The following GUCY1A2 variants were observed in gnomAD, a reference collection of about 807,000 sequenced individuals.
GUCY1A2 encodes guanylate cyclase 1 soluble subunit alpha 2, also known as guanylate cyclase soluble subunit alpha-2.
Under a neutral mutation model 63.5 loss-of-function variants are expected in GUCY1A2, and 27 were observed. That is an observed-to-expected ratio of 0.43 (90% confidence interval 0.31 to 0.59). GUCY1A2 has a LOEUF of 0.59. GUCY1A2 is among the 20% of genes least tolerant of loss of function. The pLI is 0.11. For synonymous variants in GUCY1A2, 364 were observed against 343.5 expected (o/e 1.06, Z -0.66); for missense variants, 768 against 913.3 (o/e 0.84, Z 2.05).
At chr11:107,000,130 A>G (rs1861593591) in intron 1 of GUCY1A2, among the ~76,000 whole-genome samples, 1 of 152,210 alleles carries the variant, frequency 6.6e-6, no homozygotes, top group Admixed American at 6.5e-5. Context: ...TTGCAGGTAT[A>G]CTTTTGGAGA....
chr11:106,883,748 G>C (rs561976085), intron 4 of GUCY1A2, among the ~76,000 whole-genome samples: 21 of 152,186 alleles, frequency 1.4e-4, no homozygotes, highest in African/African-American at 5.1e-4. Context: ...CACTGGGGTA[G>C]AAAATATAAA....
At chr11:106,882,558 T>C (rs1274071332) in intron 4 of GUCY1A2, among the ~76,000 whole-genome samples, 1 of 151,950 alleles carries the variant, frequency 6.6e-6, no homozygotes, top group African/African-American at 2.4e-5. Context: ...TATTAGAAGA[T>C]TTAAAATGTC....
intron 4 of GUCY1A2, among the ~76,000 whole-genome samples, chr11:106,843,108 A>T (rs1187796528): frequency 6.6e-6 from 1 of 151,994 alleles, no homozygotes; most frequent in Non-Finnish European, 1.5e-5. Flanking sequence ...CCACACATGT[A>T]AAATTCCCAT....
At chr11:106,749,758 C>T (rs770095151) in intron 6 of GUCY1A2, among the ~76,000 whole-genome samples, 10 of 152,072 alleles carry the variant, frequency 6.6e-5, no homozygotes, top group Non-Finnish European at 1.2e-4. Context: ...GCCCTTTCCT[C>T]CTTCTCACTC....
intron 4 of GUCY1A2, among the ~76,000 whole-genome samples, chr11:106,913,721 T>C (rs1565329839): frequency 6.6e-6 from 1 of 152,094 alleles, no homozygotes; most frequent in African/African-American, 2.4e-5. Flanking sequence ...CCTAATGTGC[T>C]ATGTAAATTT....
intron 1 of GUCY1A2, among the ~76,000 whole-genome samples, chr11:106,996,077 A>C (rs907518246): frequency 6.6e-6 from 1 of 152,220 alleles, no homozygotes; most frequent in Non-Finnish European, 1.5e-5. Context: ...TAAATGCACT[A>C]ACTCGAACAG....
At chr11:106,780,181 G>C (rs1864434055) in intron 5 of GUCY1A2, among the ~76,000 whole-genome samples, 2 of 151,976 alleles carry the variant, frequency 1.3e-5, no homozygotes, top group African/African-American at 4.8e-5. Context: ...CTCTCCATAG[G>C]TGTGTAAACT....
At chr11:106,802,573 C>T (rs1433826164) in intron 5 of GUCY1A2, among the ~76,000 whole-genome samples, 1 of 152,092 alleles carries the variant, frequency 6.6e-6, no homozygotes, top group Non-Finnish European at 1.5e-5. Context: ...TCAGTCTGCT[C>T]AGGCTGCTAT....
rs149156398 is a variant in GUCY1A2 at position 106,771,447 on chromosome 11, T to C, written c.1836+4992A>G. Among the ~76,000 whole-genome samples, 186 of 152,240 alleles carry C rather than the reference T, an allele frequency of 1.2e-3. 1 individual carries two copies. Among genetic ancestry groups the C allele is most frequent in the African/African-American group, 4.4e-3 (183 of 41,554 alleles). On this transcript the variant is annotated intron_variant, in intron 6 of 7. Coordinates refer to ENST00000526355, the MANE Select transcript of GUCY1A2 (RefSeq NM_000855.3). ...AATTTTACTTTTCAATTGTCTACTG[T>C]TTAAAATTTAAAAATTCAGTCCTGG...
chr11:106,833,554 T>C (rs1307160544), intron 4 of GUCY1A2, among the ~76,000 whole-genome samples: 1 of 152,118 alleles, frequency 6.6e-6, no homozygotes, highest in Non-Finnish European at 1.5e-5. Flanking sequence ...TTTTACTACC[T>C]TTTCTCATTT....
In GUCY1A2 at chr11:107,018,077, G is replaced by A; in HGVS notation, c.-22C>T. Reference sequence around the variant, plus strand: ...ACATGCTGCCGGCGGAGCTGCAGCGGCCGAGGCGGTGGCGGCGAGGACGCG... The same window carrying A: ...ACATGCTGCCGGCGGAGCTGCAGCGACCGAGGCGGTGGCGGCGAGGACGCG... On this transcript the variant is annotated 5_prime_UTR_variant, in exon 1 of 8. Coordinates refer to ENST00000526355, the MANE Select transcript of GUCY1A2 (RefSeq NM_000855.3). 1.4e-6 allele frequency: 2 copies of A among 1,415,508 alleles called. No homozygotes were observed. The highest frequency in any genetic ancestry group is 1.9e-6 in the Non-Finnish European group (2 of 1,070,864). 87.7% of individuals were successfully genotyped at this position (1,415,508 alleles called of 1,614,324 possible). A position where few individuals can be genotyped will look rare whatever the true frequency, so the allele number is the denominator to read the frequency against.
At chr11:106,919,596 C>T (rs987723605) in intron 4 of GUCY1A2, among the ~76,000 whole-genome samples, 10 of 152,026 alleles carry the variant, frequency 6.6e-5, no homozygotes, top group Non-Finnish European at 1.2e-4. Flanking sequence ...CATGTGGACT[C>T]CCCAGGTGAA....
intron 3 of GUCY1A2, 95 bp from the exon 4 acceptor site, chr11:106,940,273 T>A: frequency 1.6e-6 from 1 of 637,518 alleles, no homozygotes; most frequent in Non-Finnish European, 2.7e-6. Context: ...AACTACTGAA[T>A]AAAGTAACAA....
At chr11:106,919,157 T>C (rs150619641) in intron 4 of GUCY1A2, among the ~76,000 whole-genome samples, 23 of 152,268 alleles carry the variant, frequency 1.5e-4, no homozygotes, top group African/African-American at 5.5e-4. Flanking sequence ...TGATTATATA[T>C]TGTTATGTTT....
chr11:106,715,486 C>A (rs1470197327), intron 6 of GUCY1A2, among the ~76,000 whole-genome samples: 1 of 152,182 alleles, frequency 6.6e-6, no homozygotes, highest in East Asian at 1.9e-4. Flanking sequence ...CAGGCTGTTT[C>A]TTCTGGGCCC....
chr11:106,719,362 T>C (rs1396391774), intron 6 of GUCY1A2, among the ~76,000 whole-genome samples: 1 of 152,030 alleles, frequency 6.6e-6, no homozygotes. Flanking sequence ...TTTAAATATG[T>C]AGAAATAAAA....
intron 4 of GUCY1A2, among the ~76,000 whole-genome samples, chr11:106,882,972 T>G (rs563905287): frequency 1.3e-5 from 2 of 152,198 alleles, no homozygotes; most frequent in South Asian, 4.1e-4. Flanking sequence ...AATTGAATTT[T>G]GAGGGTCATT....
At chr11:107,003,208 AACTTTGTTATATAGGTCT>A (rs765184153) in intron 1 of GUCY1A2, among the ~76,000 whole-genome samples, 26 of 152,040 alleles carry the variant, frequency 1.7e-4, no homozygotes, top group Non-Finnish European at 2.5e-4. Context: ...TCCCTTTTTA[AACTTTGTTATATAGGTCT>A]TTATCTCAGT....
chr11:106,941,303 A>T (rs1001363699), intron 3 of GUCY1A2, among the ~76,000 whole-genome samples: 1 of 152,172 alleles, frequency 6.6e-6, no homozygotes, highest in Non-Finnish European at 1.5e-5. Context: ...TGCACAATGT[A>T]TTCTATCGTA....
Sources: gnomAD v4.1 joint callset for allele counts (sites outside exome capture counted in the v4.1 genomes callset) on GRCh38, gnomAD v4.1.1 for gene constraint, MANE v1.5 for transcripts, NCBI Gene and HGNC (gene_info 2026-07-23, HGNC 2026-07-21) for gene names.